TMEM135: variants seen among roughly 807,000 people sequenced by gnomAD.
The protein encoded by TMEM135 is peroxisomal membrane protein 52.
TMEM135 carries 30 observed loss-of-function variants against 60.3 expected under a neutral mutation model. The observed-to-expected ratio is 0.50, with a 90% CI of 0.37 to 0.68. The LOEUF (loss-of-function observed/expected upper bound fraction) is 0.68, where lower values mean the gene tolerates loss of function less well. Among genes scored for constraint, TMEM135 ranks in the 30% least tolerant of loss-of-function variants. TMEM135 has a pLI of 0.00. For missense variants in TMEM135, 468 were observed against 548.8 expected (o/e 0.85, Z 1.47); for synonymous variants, 190 against 186.7 (o/e 1.02, Z -0.14).
chr11:87,312,052 G>T (rs949916617), intron 10 of TMEM135, among the ~76,000 whole-genome samples: 3 of 151,328 alleles, frequency 2.0e-5, no homozygotes, highest in Non-Finnish European at 4.4e-5. Context: ...CTTCTAATTG[G>T]CATGTTTATA....
At chr11:87,196,837 A>G (rs1198003465) in intron 5 of TMEM135, among the ~76,000 whole-genome samples, 4 of 152,146 alleles carry the variant, frequency 2.6e-5, no homozygotes, top group Non-Finnish European at 5.9e-5. Flanking sequence ...TGGCTTGTAA[A>G]AGTATTTAGA....
rs562673941 is a variant in TMEM135 at position 87,326,015 on chromosome 11, C to G, written c.*4682C>G. On this transcript the variant is annotated 3_prime_UTR_variant, in exon 15 of 15. Coordinates refer to ENST00000305494, the MANE Select transcript of TMEM135 (RefSeq NM_022918.4). The stretch of plus-strand genomic sequence containing the variant: ...GACACACATACCATCTGGTCACCAA[C>G]AGGGACATCAGGGCCAAGAGCAGTT... 31 of 453,952 alleles carry G rather than the reference C, an allele frequency of 6.8e-5. No individual in the cohort carries two copies. The highest frequency in any genetic ancestry group is 4.8e-4 in the South Asian group (31 of 64,466). The allele number at this position is 453,952 out of a possible 1,614,324, so 28.1% of individuals were successfully genotyped here. A position where few individuals can be genotyped will look rare whatever the true frequency, so the allele number is the denominator to read the frequency against.
chr11:87,221,188 C>A (rs1260228516), intron 5 of TMEM135, among the ~76,000 whole-genome samples: 1 of 152,118 alleles, frequency 6.6e-6, no homozygotes, highest in Non-Finnish European at 1.5e-5. Context: ...AGGTTGTGAA[C>A]ATAATTGAGG....
At chr11:87,155,024 G>A (rs567556366) in intron 4 of TMEM135, among the ~76,000 whole-genome samples, 94 of 74,492 alleles carry the variant, frequency 1.3e-3, no homozygotes, top group African/African-American at 4.6e-3. Flanking sequence ...TAGAGACTGA[G>A]TTTCACTCTT....
At chr11:87,291,771 A>G (rs1477425030) in intron 6 of TMEM135, among the ~76,000 whole-genome samples, 4 of 151,770 alleles carry the variant, frequency 2.6e-5, no homozygotes, top group Non-Finnish European at 5.9e-5. Flanking sequence ...TTAAACTCCT[A>G]ACCTCAGGTG....
intron 5 of TMEM135, among the ~76,000 whole-genome samples, chr11:87,227,149 A>G (rs1176555331): frequency 6.6e-6 from 1 of 152,162 alleles, no homozygotes; most frequent in Non-Finnish European, 1.5e-5. Flanking sequence ...TCCACACTCA[A>G]TTCAGTGAAA....
At chr11:87,073,734 C>T (rs1856817845) in intron 3 of TMEM135, among the ~76,000 whole-genome samples, 1 of 151,146 alleles carries the variant, frequency 6.6e-6, no homozygotes, top group African/African-American at 2.4e-5. Context: ...ATGGTGCAAT[C>T]TCGGCTCACT....
intron 6 of TMEM135, among the ~76,000 whole-genome samples, chr11:87,269,226 G>C (rs978244421): frequency 6.8e-6 from 1 of 146,326 alleles, no homozygotes; most frequent in Admixed American, 6.8e-5. Flanking sequence ...GGACAGAAAA[G>C]CATAATCTAC....
rs1261363797 is a variant in TMEM135, at chr11:87,323,960, C to T, written c.*2627C>T. ...ATCTAGTTTATTTTTTGCCTTCATTCGTTGTTTAGTCAGTTGTTATTTAAT... is the reference window on the plus strand; with the variant it reads ...ATCTAGTTTATTTTTTGCCTTCATTTGTTGTTTAGTCAGTTGTTATTTAAT... On this transcript the variant is annotated 3_prime_UTR_variant, in exon 15 of 15. Coordinates refer to ENST00000305494, the MANE Select transcript of TMEM135 (RefSeq NM_022918.4). The T allele has an allele frequency of 2.2e-5, 10 of 453,412 alleles. No individual in the cohort carries two copies. Among genetic ancestry groups the T allele is most frequent in the Non-Finnish European group, 3.5e-5 (8 of 226,700 alleles). 28.1% of individuals were successfully genotyped at this position (453,412 alleles called of 1,614,324 possible). A position where few individuals can be genotyped will look rare whatever the true frequency, so the allele number is the denominator to read the frequency against.
At chr11:87,198,115 A>G (rs1027844723) in intron 5 of TMEM135, among the ~76,000 whole-genome samples, 1 of 152,172 alleles carries the variant, frequency 6.6e-6, no homozygotes, top group Non-Finnish European at 1.5e-5. Flanking sequence ...ATTTTTAAAT[A>G]TACATAATAC....
chr11:87,122,975 G>C (rs1937627098), intron 4 of TMEM135, among the ~76,000 whole-genome samples: 1 of 152,186 alleles, frequency 6.6e-6, no homozygotes, highest in Non-Finnish European at 1.5e-5. Context: ...ATGGTCCCCT[G>C]TGGCAACTAT....
intron 4 of TMEM135, among the ~76,000 whole-genome samples, chr11:87,110,694 T>G (rs1262905721): frequency 6.6e-6 from 1 of 152,140 alleles, no homozygotes; most frequent in African/African-American, 2.4e-5. Flanking sequence ...TAAAGAAATG[T>G]TTTTTTCGTA....
rs544634941 is a variant in TMEM135, at chr11:87,295,762, G to A, written c.510-20G>A. 1.1e-5 allele frequency: 17 copies of A among 1,588,582 alleles called. No individual in the cohort carries two copies. The highest frequency in any genetic ancestry group is 1.4e-5 in the Non-Finnish European group (16 of 1,162,968). On this transcript the variant is annotated intron_variant, in intron 6 of 14. Transcript: ENST00000305494. ...TCTCAAAATATGTTATTTTATGATT[G>A]TAAATTCTTATTGTTTTAGGTGCAA...
rs368983800 is a variant in TMEM135 at position 87,069,516 on chromosome 11, T to C, written c.269+1695T>C. Among the ~76,000 whole-genome samples the C allele has an allele frequency of 1.6e-4, 24 of 152,176 alleles. No homozygotes were observed. The East Asian group carries it at 4.5e-3, about 28-fold the overall frequency. On this transcript the variant is annotated intron_variant, in intron 2 of 14. Coordinates refer to ENST00000305494, the MANE Select transcript of TMEM135 (RefSeq NM_022918.4). Reference sequence around the variant, plus strand: ...CACTTACATTTTGTTCCTAATTGGGTAGATGAGATGCTGTTACTTGAGGTA... The same window carrying C: ...CACTTACATTTTGTTCCTAATTGGGCAGATGAGATGCTGTTACTTGAGGTA...
At chr11:87,113,052 A>G (rs1857793828) in intron 4 of TMEM135, among the ~76,000 whole-genome samples, 1 of 152,054 alleles carries the variant, frequency 6.6e-6, no homozygotes, top group Non-Finnish European at 1.5e-5. Flanking sequence ...AGAGATTATA[A>G]ATGGCTTAAA....
intron 4 of TMEM135, among the ~76,000 whole-genome samples, chr11:87,125,891 A>G (rs1417191516): frequency 1.3e-5 from 2 of 152,244 alleles, no homozygotes; most frequent in African/African-American, 4.8e-5. Flanking sequence ...ATTTACTTAA[A>G]TGAAGATAAA....
At chr11:87,258,242 T>A (rs1384258481) in intron 6 of TMEM135, among the ~76,000 whole-genome samples, 2 of 150,982 alleles carry the variant, frequency 1.3e-5, no homozygotes, top group Non-Finnish European at 3.0e-5. Flanking sequence ...ATACAAAAAA[T>A]GAGCACTGGC....
chr11:87,045,973 A>T (rs1186455143), intron 1 of TMEM135, among the ~76,000 whole-genome samples: 1 of 152,222 alleles, frequency 6.6e-6, no homozygotes, highest in African/African-American at 2.4e-5. Context: ...AATGAATGAG[A>T]CATACTTCTT....
At chr11:87,145,361 G>C (rs765523467) in intron 4 of TMEM135, among the ~76,000 whole-genome samples, 2 of 152,052 alleles carry the variant, frequency 1.3e-5, no homozygotes, top group Non-Finnish European at 2.9e-5. Context: ...TCATAACTTA[G>C]CTATTGTAAA....
Sources: gnomAD v4.1 joint callset for allele counts (sites outside exome capture counted in the v4.1 genomes callset) on GRCh38, gnomAD v4.1.1 for gene constraint, MANE v1.5 for transcripts, NCBI Gene and HGNC (gene_info 2026-07-23, HGNC 2026-07-21) for gene names.